IGSF11: variants seen among roughly 807,000 people sequenced by gnomAD.
IGSF11 encodes the protein immunoglobulin superfamily member 11, also known as CXADR like 1.
In IGSF11, 22 loss-of-function variants were observed where a neutral mutation model predicts 41.0. The observed-to-expected ratio is 0.54, with a 90% CI of 0.38 to 0.77. The LOEUF (loss-of-function observed/expected upper bound fraction) is 0.77, where lower values mean the gene tolerates loss of function less well. IGSF11 is among the 30% of genes least tolerant of loss of function. The pLI, the probability that IGSF11 is intolerant of heterozygous loss-of-function variation, is 0.00. For synonymous variants in IGSF11, 219 were observed against 201.3 expected (o/e 1.09, Z -0.74); for missense variants, 444 against 530.8 (o/e 0.84, Z 1.61).
chr3:118,966,592 C>T, intron 1 of IGSF11, among the ~76,000 whole-genome samples: 1 of 152,198 alleles, frequency 6.6e-6, no homozygotes, highest in South Asian at 2.1e-4. Context: ...GTAACTTTCA[C>T]CTCCATATTA....
At chr3:119,053,723 A>G (rs1285200201) in intron 1 of IGSF11, among the ~76,000 whole-genome samples, 1 of 152,118 alleles carries the variant, frequency 6.6e-6, no homozygotes. Flanking sequence ...AGACTAAGCA[A>G]AAAGAACAAA....
intron 1 of IGSF11, among the ~76,000 whole-genome samples, chr3:119,135,208 A>G (rs1358742354): frequency 1.3e-5 from 2 of 152,242 alleles, no homozygotes; most frequent in Non-Finnish European, 2.9e-5. Flanking sequence ...CAAAATTGAC[A>G]AATGGGATCT....
intron 4 of IGSF11, among the ~76,000 whole-genome samples, chr3:118,918,975 C>T (rs1388297506): frequency 3.6e-5 from 4 of 112,476 alleles, no homozygotes; most frequent in African/African-American, 1.1e-4. Context: ...ACTATCTGAT[C>T]TTTGACAAAC....
intron 1 of IGSF11, among the ~76,000 whole-genome samples, chr3:118,930,500 A>G (rs1942761696): frequency 6.6e-6 from 1 of 152,234 alleles, no homozygotes; most frequent in African/African-American, 2.4e-5. Flanking sequence ...GAAGCTCTTT[A>G]CTATCTTTTG....
chr3:118,984,569 A>T (rs1935070720), intron 1 of IGSF11, among the ~76,000 whole-genome samples: 3 of 152,174 alleles, frequency 2.0e-5, no homozygotes, highest in African/African-American at 7.2e-5. Context: ...AGACAGACAA[A>T]CCCATAATTT....
In IGSF11 at chr3:118,926,081, T is replaced by C; in HGVS notation, c.580+20A>G. 6.9e-7 allele frequency: 1 copy of C among 1,455,348 alleles called. No individual in the cohort carries two copies. The highest frequency in any genetic ancestry group is 2.5e-5 in the East Asian group (1 of 40,048). 90.2% of individuals were successfully genotyped at this position (1,455,348 alleles called of 1,614,324 possible). Reference sequence around the variant, plus strand: ...TGTCCATGATAACTAATAAAATGGGTAAAGCAGCACTGTACATACCCTGAG... The same window carrying C: ...TGTCCATGATAACTAATAAAATGGGCAAAGCAGCACTGTACATACCCTGAG... On this transcript the variant is annotated intron_variant, in intron 4 of 6. Coordinates refer to ENST00000393775, the MANE Select transcript of IGSF11 (RefSeq NM_001015887.3).
chr3:119,074,838 C>T lies in IGSF11; in HGVS notation c.49+30306G>A, dbSNP rs574230047. On this transcript the variant is annotated intron_variant, in intron 1 of 6. Coordinates refer to the IGSF11 transcript ENST00000354673. The stretch of plus-strand genomic sequence containing the variant: ...CTGCACTCCAGCCTGGGCGACAGAG[C>T]GAGACTCCGTCTCAAAAAAATAAAT... Among the ~76,000 whole-genome samples the T allele has an allele frequency of 2.0e-3, 305 of 151,758 alleles. 1 individual carries two copies. In the Middle Eastern group the frequency reaches 0.02, roughly 10 times the overall value.
intron 1 of IGSF11, among the ~76,000 whole-genome samples, chr3:119,001,219 C>A (rs1936800766): frequency 6.7e-6 from 1 of 150,160 alleles, no homozygotes. Flanking sequence ...CCTTTCCTCT[C>A]CATATTTCTT....
intron 4 of IGSF11, among the ~76,000 whole-genome samples, chr3:118,908,567 T>C (rs1184097503): frequency 6.6e-6 from 1 of 152,224 alleles, no homozygotes; most frequent in African/African-American, 2.4e-5. Flanking sequence ...GAAGTATTTT[T>C]CTGAAATAGA....
At chr3:119,128,587 C>T (rs763926828) in intron 1 of IGSF11, among the ~76,000 whole-genome samples, 1 of 151,984 alleles carries the variant, frequency 6.6e-6, no homozygotes, top group East Asian at 1.9e-4. Flanking sequence ...AAAAAAAAAG[C>T]AGGGTTGCAA....
At chr3:119,057,433 T>C (rs1299140650) in intron 1 of IGSF11, among the ~76,000 whole-genome samples, 4 of 152,048 alleles carry the variant, frequency 2.6e-5, no homozygotes, top group African/African-American at 4.8e-5. Flanking sequence ...AAGGACCTCT[T>C]TGAGGAGAAC....
At chr3:118,917,714 TC>T (rs1217090218) in intron 4 of IGSF11, among the ~76,000 whole-genome samples, 1 of 144,000 alleles carries the variant, frequency 6.9e-6, no homozygotes, top group Non-Finnish European at 1.5e-5. Context: ...CTGAAACTAT[TC>T]CAATCAATAG....
At chr3:119,114,234 T>G (rs2077225488) in intron 1 of IGSF11, among the ~76,000 whole-genome samples, 1 of 152,254 alleles carries the variant, frequency 6.6e-6, no homozygotes, top group Non-Finnish European at 1.5e-5. Flanking sequence ...GCAGCCAGCT[T>G]GAATTCGTCC....
intron 1 of IGSF11, among the ~76,000 whole-genome samples, chr3:118,948,966 CG>C (rs1944373707): frequency 7.7e-6 from 1 of 130,224 alleles, no homozygotes; most frequent in South Asian, 2.6e-4. Flanking sequence ...AGCGAGACTC[CG>C]TCTCAAAAAA....
intron 1 of IGSF11, among the ~76,000 whole-genome samples, chr3:119,138,351 A>C (rs920372433): frequency 6.6e-6 from 1 of 152,154 alleles, no homozygotes; most frequent in Non-Finnish European, 1.5e-5. Flanking sequence ...GGATTTTTTA[A>C]ATGTGGTATA....
At chr3:118,964,686 A>G (rs945313316) in intron 1 of IGSF11, among the ~76,000 whole-genome samples, 4 of 152,200 alleles carry the variant, frequency 2.6e-5, no homozygotes, top group African/African-American at 9.6e-5. Context: ...TACTTAATTC[A>G]AATAAAAATC....
At chr3:119,077,657 T>C (rs1453057231) in intron 1 of IGSF11, among the ~76,000 whole-genome samples, 1 of 152,042 alleles carries the variant, frequency 6.6e-6, no homozygotes, top group Non-Finnish European at 1.5e-5. Flanking sequence ...CTATTCAACA[T>C]AGCACTGGAA....
intron 1 of IGSF11, among the ~76,000 whole-genome samples, chr3:119,019,646 T>C (rs921896840): frequency 6.6e-6 from 1 of 151,982 alleles, no homozygotes; most frequent in Non-Finnish European, 1.5e-5. Flanking sequence ...CACACCAAGT[T>C]CTCTGGTTTC....
At chr3:119,037,373 C>T (rs1439892553), upstream of IGSF11, among the ~76,000 whole-genome samples, 1 of 152,166 alleles carries the variant, frequency 6.6e-6, no homozygotes. Flanking sequence ...CAGGAGGATA[C>T]TGTGTCTTAA....
Sources: allele counts gnomAD v4.1 joint callset (sites outside exome capture counted in the v4.1 genomes callset), GRCh38; gene constraint gnomAD v4.1.1; transcripts MANE v1.5; gene names NCBI Gene and HGNC (gene_info 2026-07-23, HGNC 2026-07-21).